Variants in LIFR observed in about 807,000 individuals in gnomAD.
LIFR encodes leukemia inhibitory factor receptor.
LIFR carries 84 observed loss-of-function variants against 122.2 expected under a neutral mutation model. That is an observed-to-expected ratio of 0.69 (90% confidence interval 0.58 to 0.82). The LOEUF is 0.82. LIFR is among the 40% of genes least tolerant of loss of function. LIFR has a pLI of 0.00. For synonymous variants in LIFR, 422 were observed against 434.7 expected, an observed-to-expected ratio of 0.97 and a Z score of 0.36; for missense variants, 1,294 against 1,311.6, an observed-to-expected ratio of 0.99 and a Z score of 0.21.
intron 14 of LIFR, 185 bp from the exon 15 acceptor site, chr5:38,490,476 ATTAAAT>A: frequency 3.0e-6 from 1 of 337,938 alleles, no homozygotes; most frequent in Non-Finnish European, 5.3e-6. Flanking sequence ...CTAAACAAAA[ATTAAAT>A]TTACTTCTAT....
chr5:38,569,635 A>G (rs182066482), intron 1 of LIFR, among the ~76,000 whole-genome samples: 214 of 152,226 alleles, frequency 1.4e-3, no homozygotes, highest in Middle Eastern at 0.01. Flanking sequence ...ATTTTCTCCC[A>G]TGGAAACTGG....
rs1036039343 is a variant in LIFR, at chr5:38,484,973, A to G, written c.2498-105T>C. 1.3e-4 allele frequency: 98 copies of G among 750,882 alleles called. No homozygotes were observed. The Middle Eastern group carries it at 3.0e-3, about 23-fold the overall frequency. The allele number at this position is 750,882 out of a possible 1,614,324, so 46.5% of individuals were successfully genotyped here. On this transcript the variant is annotated intron_variant, in intron 17 of 19. Transcript: ENST00000453190. Reference sequence around the variant, plus strand: ...AGGTTGGTAAATTATTTAGGAAAAAAACAAAATTAACTGCTGCAGGGACAC... The same window carrying G: ...AGGTTGGTAAATTATTTAGGAAAAAGACAAAATTAACTGCTGCAGGGACAC...
intron 17 of LIFR, chr5:38,485,494 A>C (rs184260039): frequency 2.7e-6 from 1 of 368,138 alleles, no homozygotes; most frequent in East Asian, 6.2e-5. Flanking sequence ...TAGATATGTT[A>C]GAAATCACAT....
intron 1 of LIFR, among the ~76,000 whole-genome samples, chr5:38,594,584 C>T (rs992610562): frequency 3.9e-5 from 6 of 152,088 alleles, no homozygotes; most frequent in African/African-American, 1.4e-4. Flanking sequence ...GCTCTCTGTA[C>T]TTTGTGCTCT....
chr5:38,514,969 G>A (rs73749268), intron 5 of LIFR, among the ~76,000 whole-genome samples: 4,562 of 152,226 alleles, frequency 0.03, 211 homozygotes, highest in African/African-American at 0.1. Context: ...GATACCAAGG[G>A]ACAAGTGCAA....
chr5:38,562,640 A>G (rs1307469353), intron 1 of LIFR, among the ~76,000 whole-genome samples: 1 of 152,194 alleles, frequency 6.6e-6, no homozygotes, highest in African/African-American at 2.4e-5. Flanking sequence ...GTGCAGATGG[A>G]GAAAGAAGCC....
intron 1 of LIFR, among the ~76,000 whole-genome samples, chr5:38,536,506 T>A (rs1747303983): frequency 6.6e-6 from 1 of 152,242 alleles, no homozygotes; most frequent in African/African-American, 2.4e-5. Context: ...GGACTTGGCA[T>A]CCAAAGATTT....
intron 1 of LIFR, among the ~76,000 whole-genome samples, chr5:38,549,015 C>T (rs909654902): frequency 2.0e-5 from 3 of 151,924 alleles, no homozygotes; most frequent in African/African-American, 7.3e-5. Flanking sequence ...TATTATTATC[C>T]CCATTTCACA....
rs1746737892 is a variant in LIFR at position 38,527,239 on chromosome 5, G to A, written c.313C>T (p.His105Tyr). 6.3e-7 allele frequency: 1 copy of A among 1,597,484 alleles called. No individual in the cohort carries two copies. Among genetic ancestry groups the A allele is most frequent in the African/African-American group, 1.3e-5 (1 of 74,554 alleles). Residue 105 changes from histidine (H) to tyrosine (Y), a missense_variant, in exon 4 of 20, where the codon CAT becomes TAT. His to Tyr is a moderately conservative substitution (Grantham distance 83). Coordinates refer to ENST00000453190, the MANE Select transcript of LIFR (RefSeq NM_001127671.2). Reference protein sequence around the residue: ...KTSIKIPALSHGDYEITINSL... With the variant: ...KTSIKIPALSYGDYEITINSL... ...TTTATTGTTATTTCATAATCACCATGTGAAAGAGCTGGAATTTTAATACTG... is the reference window on the plus strand; with the variant it reads ...TTTATTGTTATTTCATAATCACCATATGAAAGAGCTGGAATTTTAATACTG...
chr5:38,530,664 G>C lies in LIFR; in HGVS notation c.-17C>G. 1 of 1,613,432 alleles carries C rather than the reference G, an allele frequency of 6.2e-7. No individual in the cohort carries two copies. Among genetic ancestry groups the C allele is most frequent in the Non-Finnish European group, 8.5e-7 (1 of 1,179,400 alleles). On this transcript the variant is annotated splice_region_variant and 5_prime_UTR_variant, in exon 2 of 20. Coordinates refer to ENST00000453190, the MANE Select transcript of LIFR (RefSeq NM_001127671.2). The stretch of plus-strand genomic sequence containing the variant: ...ATCCATCATCTGTGCAATGCAGTCA[G>C]TCCTAGGTTAGGAGAGGAATTCCAG...
intron 5 of LIFR, among the ~76,000 whole-genome samples, chr5:38,522,028 A>G (rs189256992): frequency 6.6e-6 from 1 of 152,270 alleles, no homozygotes; most frequent in East Asian, 1.9e-4. Context: ...GGTGTTCCCC[A>G]TGCTCCCTCC....
At position 38,477,683 on chromosome 5, in the gene LIFR, T is replaced by C. The variant is rs1743789020; in HGVS notation, c.*3912A>G. On this transcript the variant is annotated 3_prime_UTR_variant, in exon 20 of 20. Transcript: ENST00000453190. ...AAGTAGATTTGAATCTTTGAGTCAA[T>C]AGTCTCAGATCCACACAAGCTAGAT... is the stretch of plus-strand genomic sequence containing the variant. The C allele has an allele frequency of 4.6e-6, 1 of 217,126 alleles. No individual in the cohort carries two copies. Among genetic ancestry groups the C allele is most frequent in the South Asian group, 1.9e-4 (1 of 5,390 alleles). The allele number at this position is 217,126 out of a possible 1,614,324, so 13.4% of individuals were successfully genotyped here. A position where few individuals can be genotyped will look rare whatever the true frequency, so the allele number is the denominator to read the frequency against.
intron 3 of LIFR, 23 bp downstream of exon 3, chr5:38,528,703 G>C: frequency 7.3e-7 from 1 of 1,375,068 alleles, no homozygotes; most frequent in South Asian, 1.2e-5. Flanking sequence ...AGCTCATTGT[G>C]AATTAAAGTA....
At chr5:38,561,843 T>C (rs1390084988) in intron 1 of LIFR, among the ~76,000 whole-genome samples, 1 of 152,214 alleles carries the variant, frequency 6.6e-6, no homozygotes, top group Non-Finnish European at 1.5e-5. Flanking sequence ...GGTTCCATTG[T>C]ATTGTTTACC....
intron 16 of LIFR, 89 bp from the exon 17 acceptor site, chr5:38,486,069 A>T: frequency 8.0e-7 from 1 of 1,244,964 alleles, no homozygotes; most frequent in Non-Finnish European, 1.2e-6. Context: ...CTGCCCTTCT[A>T]AGTGGGTCTA....
chr5:38,485,007 T>C (rs1744206832), intron 17 of LIFR, 139 bp from the exon 18 acceptor site: 2 of 655,940 alleles, frequency 3.0e-6, no homozygotes, highest in East Asian at 5.7e-5. Context: ...ACTGAAAAAC[T>C]ATTAAAATCA....
chr5:38,584,869 C>T (rs1749696800), intron 1 of LIFR, among the ~76,000 whole-genome samples: 1 of 152,114 alleles, frequency 6.6e-6, no homozygotes, highest in Non-Finnish European at 1.5e-5. Context: ...TTTTGTCACA[C>T]ACACACACAA....
At chr5:38,544,754 C>T (rs748980373) in intron 1 of LIFR, among the ~76,000 whole-genome samples, 13 of 152,168 alleles carry the variant, frequency 8.5e-5, no homozygotes, top group Non-Finnish European at 1.5e-4. Context: ...TACTGAATAT[C>T]CAGCATGACC....
chr5:38,567,546 T>TTTATTTATTTA (rs1561215423), intron 1 of LIFR, among the ~76,000 whole-genome samples: 1 of 30,898 alleles, frequency 3.2e-5, no homozygotes, highest in African/African-American at 1.0e-4. Flanking sequence ...TTATTTATTT[T>TTTATTTATTTA]GAAGACTGAG....
Sources: gnomAD v4.1 joint callset for allele counts (sites outside exome capture counted in the v4.1 genomes callset) on GRCh38, gnomAD v4.1.1 for gene constraint, MANE v1.5 for transcripts, NCBI Gene and HGNC (gene_info 2026-07-23, HGNC 2026-07-21) for gene names.